Variants in FBXL7 observed in about 807,000 individuals in gnomAD.
The protein encoded by FBXL7 is F-box/LRR-repeat protein 7.
A neutral mutation model predicts 38.3 loss-of-function variants in FBXL7; 12 were observed. The ratio of observed to expected loss-of-function variants is 0.31; its 90% CI spans 0.20 to 0.51. The LOEUF (loss-of-function observed/expected upper bound fraction) is 0.51. FBXL7 is among the 20% of genes least tolerant of loss of function. FBXL7 has a pLI of 0.98. For synonymous variants in FBXL7, 297 were observed against 300.9 expected, an observed-to-expected ratio of 0.99 and a Z score of 0.13; for missense variants, 567 against 676.4, an observed-to-expected ratio of 0.84 and a Z score of 1.79.
chr5:15,777,673 C>T lies in FBXL7; in HGVS notation c.128-150217C>T, dbSNP rs372713744. Among the ~76,000 whole-genome samples the T allele has an allele frequency of 3.5e-5, 5 of 142,658 alleles. No individual in the cohort carries two copies. The East Asian group carries it at 6.5e-4, about 18-fold the overall frequency. 93.6% of individuals were successfully genotyped at this position (142,658 alleles called of 152,430 possible). A position where few individuals can be genotyped will look rare whatever the true frequency, so the allele number is the denominator to read the frequency against. ...GTCCTAGGAGACACACAAGAATTTC[C>T]CTTTTAAGGAAATTGGCTACGTATT... On this transcript the variant is annotated intron_variant, in intron 2 of 3. Coordinates refer to ENST00000504595, the MANE Select transcript of FBXL7 (RefSeq NM_012304.5).
At position 15,607,633 on chromosome 5, in the gene FBXL7, G is replaced by A. The variant is rs566298821; in HGVS notation, c.38-8350G>A. ...TTCAAGCCTTAGGAAAACCTGGCAC[G>A]CTCTAACAGACAGCCCAAGGGAATG... On this transcript the variant is annotated intron_variant, in intron 1 of 3. Coordinates refer to ENST00000504595, the MANE Select transcript of FBXL7 (RefSeq NM_012304.5). Among the ~76,000 whole-genome samples, 10 of 152,240 alleles carry A rather than the reference G, an allele frequency of 6.6e-5. No individual in the cohort carries two copies. The East Asian group carries it at 1.2e-3, about 18-fold the overall frequency.
intron 2 of FBXL7, among the ~76,000 whole-genome samples, chr5:15,726,954 G>A (rs896927915): frequency 4.0e-5 from 6 of 151,712 alleles, no homozygotes; most frequent in African/African-American, 1.5e-4. Flanking sequence ...TTTTTGTGGT[G>A]TAATGTTTAC....
At chr5:15,575,392 G>A (rs539708150) in intron 1 of FBXL7, among the ~76,000 whole-genome samples, 2 of 152,132 alleles carry the variant, frequency 1.3e-5, no homozygotes, top group South Asian at 2.1e-4. Context: ...ATTCTTTGAC[G>A]AGCGCAACAG....
In FBXL7 at chr5:15,817,885, T is replaced by C. The variant is rs1738061981; in HGVS notation, c.128-110005T>C. Among the ~76,000 whole-genome samples, 4 of 152,318 alleles carry C rather than the reference T, an allele frequency of 2.6e-5. No homozygotes were observed. The South Asian group carries it at 8.3e-4, about 32-fold the overall frequency. ...TAATACAAGGGCGAAGGAAACCATG[T>C]GTCTCCATGATCCAGCCTCAGATGT... On this transcript the variant is annotated intron_variant, in intron 2 of 3. Coordinates refer to ENST00000504595, the MANE Select transcript of FBXL7 (RefSeq NM_012304.5).
chr5:15,583,261 G>A (rs932662297), intron 1 of FBXL7, among the ~76,000 whole-genome samples: 4 of 152,076 alleles, frequency 2.6e-5, no homozygotes, highest in African/African-American at 9.7e-5. Flanking sequence ...CTCGACACCT[G>A]GGGATTACAA....
chr5:15,525,040 T>C (rs529396954), intron 1 of FBXL7, among the ~76,000 whole-genome samples: 9 of 152,214 alleles, frequency 5.9e-5, no homozygotes, highest in Non-Finnish European at 1.2e-4. Context: ...GAATCCTGGC[T>C]TTGTCACTTA....
chr5:15,686,798 C>T (rs1743029222), intron 2 of FBXL7, among the ~76,000 whole-genome samples: 1 of 152,106 alleles, frequency 6.6e-6, no homozygotes, highest in African/African-American at 2.4e-5. Flanking sequence ...GGAAAATGTA[C>T]CAGAAATTGT....
intron 2 of FBXL7, among the ~76,000 whole-genome samples, chr5:15,806,831 T>C (rs1737725226): frequency 6.6e-6 from 1 of 152,226 alleles, no homozygotes; most frequent in Admixed American, 6.5e-5. Flanking sequence ...ACAGCTGAGC[T>C]CCGCCTTCTC....
At chr5:15,537,638 G>A (rs910597340) in intron 1 of FBXL7, among the ~76,000 whole-genome samples, 6 of 152,344 alleles carry the variant, frequency 3.9e-5, no homozygotes, top group East Asian at 1.9e-4. Flanking sequence ...TGTGGTCCCC[G>A]AAGGGGGAGG....
intron 2 of FBXL7, among the ~76,000 whole-genome samples, chr5:15,736,316 T>C (rs1489671166): frequency 6.6e-6 from 1 of 152,186 alleles, no homozygotes; most frequent in Non-Finnish European, 1.5e-5. Flanking sequence ...ATTTAACATA[T>C]TCATTTCTGT....
intron 2 of FBXL7, among the ~76,000 whole-genome samples, chr5:15,720,585 C>G (rs1238807541): frequency 6.7e-6 from 1 of 148,326 alleles, no homozygotes; most frequent in East Asian, 1.9e-4. Context: ...TTATACCTAG[C>G]TAATTTTATT....
intron 2 of FBXL7, among the ~76,000 whole-genome samples, chr5:15,736,775 CAGG>C (rs1735761677): frequency 6.6e-6 from 1 of 152,168 alleles, no homozygotes; most frequent in Admixed American, 6.5e-5. Context: ...TGTCTTGCAG[CAGG>C]AGGAGGCCAC....
At chr5:15,848,655 C>A (rs1561150602) in intron 2 of FBXL7, among the ~76,000 whole-genome samples, 1 of 152,282 alleles carries the variant, frequency 6.6e-6, no homozygotes, top group Non-Finnish European at 1.5e-5. Context: ...GCTGGGATTA[C>A]AAGCGTGAGC....
chr5:15,704,428 T>G (rs1368209673), intron 2 of FBXL7, among the ~76,000 whole-genome samples: 1 of 152,334 alleles, frequency 6.6e-6, no homozygotes. Context: ...TAGGAAAACT[T>G]GTTGAGGTAA....
intron 1 of FBXL7, among the ~76,000 whole-genome samples, chr5:15,515,383 G>A (rs1346549595): frequency 6.6e-6 from 1 of 152,256 alleles, no homozygotes; most frequent in African/African-American, 2.4e-5. Flanking sequence ...CATTGGTGCT[G>A]TTTTTGAAGA....
chr5:15,677,530 G>A lies in FBXL7; in HGVS notation c.127+61458G>A, dbSNP rs1440336879. Among the ~76,000 whole-genome samples, 5 of 151,660 alleles carry A rather than the reference G, an allele frequency of 3.3e-5. 1 individual carries two copies. The South Asian group carries it at 8.4e-4, about 25-fold the overall frequency. ...AGAAAGGAAAGAAGGAGAAAAGGAG[G>A]GAGGGAGGGAAGGAAAGGAAGGAAG... On this transcript the variant is annotated intron_variant, in intron 2 of 3. Transcript: ENST00000504595.
intron 2 of FBXL7, among the ~76,000 whole-genome samples, chr5:15,746,939 G>T (rs532449700): frequency 6.6e-6 from 1 of 152,134 alleles, no homozygotes; most frequent in South Asian, 2.1e-4. Flanking sequence ...TCAAATTGCT[G>T]TAAAAGTTTC....
At chr5:15,517,058 G>A (rs1392087616) in intron 1 of FBXL7, among the ~76,000 whole-genome samples, 1 of 151,014 alleles carries the variant, frequency 6.6e-6, no homozygotes, top group Non-Finnish European at 1.5e-5. Context: ...GCAGAGTCTC[G>A]CTCTGTCGCC....
intron 2 of FBXL7, among the ~76,000 whole-genome samples, chr5:15,747,666 A>G (rs1736049574): frequency 6.6e-6 from 1 of 152,252 alleles, no homozygotes; most frequent in Non-Finnish European, 1.5e-5. Context: ...ATATCTATGC[A>G]CAATGGTTAG....
Sources: gnomAD v4.1 joint callset for allele counts (sites outside exome capture counted in the v4.1 genomes callset) on GRCh38, gnomAD v4.1.1 for gene constraint, MANE v1.5 for transcripts, NCBI Gene and HGNC (gene_info 2026-07-23, HGNC 2026-07-21) for gene names.